Variants in SUPT5H observed in about 807,000 individuals in gnomAD.
The protein encoded by SUPT5H is SPT5 homolog, DSIF elongation factor subunit.
A neutral mutation model predicts 142.5 loss-of-function variants in SUPT5H; 24 were observed. The ratio of observed to expected loss-of-function variants is 0.17; its 90% confidence interval spans 0.12 to 0.24. The LOEUF is 0.24. Ranked by LOEUF, SUPT5H falls within the 10% of genes least tolerant of loss-of-function variation. The pLI, the probability that SUPT5H is intolerant of heterozygous loss-of-function variation, is 1.00. For synonymous variants in SUPT5H, 546 were observed against 553.0 expected, an observed-to-expected ratio of 0.99 and a Z score of 0.18; for missense variants, 893 against 1,471.8, an observed-to-expected ratio of 0.61 and a Z score of 6.43.
chr19:39,463,204 G>C (rs2079188938), intron 10 of SUPT5H, among the ~76,000 whole-genome samples: 1 of 151,296 alleles, frequency 6.6e-6, no homozygotes, highest in African/African-American at 2.4e-5. Context: ...GTTTCACCAT[G>C]TTGGCCAGGC....
In SUPT5H at chr19:39,474,364, G is replaced by A; in HGVS notation, c.2782G>A (p.Ala928Thr). The A allele has an allele frequency of 6.2e-7, 1 of 1,614,058 alleles. No homozygotes were observed. The highest frequency in any genetic ancestry group is 2.2e-5 in the East Asian group (1 of 44,870). ...PAGYQNTHSP[A>T]SYHPTPSPMA... is the part of the protein sequence containing the mutation. Reference sequence around the variant, plus strand: ...AGGCTACCAGAATACCCACTCCCCAGCCAGCTACCACCCTACACCGTCGCC... The same window carrying A: ...AGGCTACCAGAATACCCACTCCCCAACCAGCTACCACCCTACACCGTCGCC... Residue 928 changes from alanine to threonine, a missense_variant, in exon 27 of 30, where the codon GCC becomes ACC. Around this residue, in one of 6 missense-constraint regions of SUPT5H, gnomAD observed 336 missense variants for 546.5 expected, o/e 0.61. Transcript: ENST00000432763. This position sits in a 1 kb window ranked among gnomAD's most constrained non-coding sequence, Gnocchi z 6.5.
chr19:39,448,112 A>G (rs1488723317), intron 2 of SUPT5H, among the ~76,000 whole-genome samples: 1 of 152,174 alleles, frequency 6.6e-6, no homozygotes, highest in Non-Finnish European at 1.5e-5. Flanking sequence ...TTCCCAGGAT[A>G]TGTTAGTTGC....
At chr19:39,451,187 CTT>C (rs36028459) in intron 2 of SUPT5H, among the ~76,000 whole-genome samples, 10 of 111,682 alleles carry the variant, frequency 9.0e-5, no homozygotes, top group Admixed American at 2.1e-4. Flanking sequence ...TGAGCATGAC[CTT>C]TTTTTTTTTT....
At chr19:39,455,446 C>G (rs1250286785) in intron 3 of SUPT5H, among the ~76,000 whole-genome samples, 1 of 151,742 alleles carries the variant, frequency 6.6e-6, no homozygotes, top group African/African-American at 2.4e-5. Flanking sequence ...CCTGTAATCC[C>G]AGCTACTTGG....
chr19:39,467,959 C>G (rs562855366), intron 13 of SUPT5H: 1 of 152,404 alleles, frequency 6.6e-6, no homozygotes, highest in South Asian at 2.1e-4. Context: ...TCCCTTACCC[C>G]CCAGCAAGCC....
intron 18 of SUPT5H, among the ~76,000 whole-genome samples, 189 bp from the exon 19 acceptor site, chr19:39,471,168 C>T (rs2079314189): frequency 6.6e-6 from 1 of 152,136 alleles, no homozygotes; most frequent in Non-Finnish European, 1.5e-5. Flanking sequence ...TGACTGGGAA[C>T]ATTTTTGGTT....
At chr19:39,455,925 C>CTTTT (rs34762912) in intron 3 of SUPT5H, among the ~76,000 whole-genome samples, 4 of 91,144 alleles carry the variant, frequency 4.4e-5, no homozygotes, top group East Asian at 3.1e-4. Flanking sequence ...CCCGCCTCTT[C>CTTTT]TTTTTTTTTT....
chr19:39,466,784 G>A lies in SUPT5H; in HGVS notation c.1037+39G>A. ...GGGACTGGCTGGGCTGGGTCCCCAG[G>A]GCCGGTGTGTAGAATGTGCCTTTTG... On this transcript the variant is annotated intron_variant, in intron 13 of 29. Coordinates refer to ENST00000432763, the MANE Select transcript of SUPT5H (RefSeq NM_001111020.3). This position sits in a 1 kb window ranked among gnomAD's most constrained non-coding sequence, Gnocchi z 4.3. The A allele has an allele frequency of 1.9e-6, 3 of 1,605,458 alleles. No individual in the cohort carries two copies. Among genetic ancestry groups the A allele is most frequent in the Middle Eastern group, 1.7e-4 (1 of 6,046 alleles).
At chr19:39,454,226 T>C (rs933991306) in intron 3 of SUPT5H, among the ~76,000 whole-genome samples, 14 of 152,244 alleles carry the variant, frequency 9.2e-5, no homozygotes, top group African/African-American at 2.9e-4. Context: ...CAATTCCAGG[T>C]TACTGAAAAT....
rs1416943074 is a variant in SUPT5H at position 39,473,954 on chromosome 19, T to C, written c.2493-9T>C. On this transcript the variant is annotated splice_polypyrimidine_tract_variant and intron_variant, in intron 25 of 29. Coordinates refer to ENST00000432763, the MANE Select transcript of SUPT5H (RefSeq NM_001111020.3). The surrounding 1 kb of genome is among the most constrained non-coding windows in gnomAD (Gnocchi z 5.8). Reference sequence around the variant, plus strand: ...CACAGTCGCTGTCAACAGACTTTTCTCCCAACAGGGCTGAGGAAGAATATG... The same window carrying C: ...CACAGTCGCTGTCAACAGACTTTTCCCCCAACAGGGCTGAGGAAGAATATG... 4 of 1,613,780 alleles carry C rather than the reference T, an allele frequency of 2.5e-6. No homozygotes were observed. Among genetic ancestry groups the C allele is most frequent in the Non-Finnish European group, 3.4e-6 (4 of 1,179,956 alleles).
Position 39,459,410 on chromosome 19 carries a change from T to C in SUPT5H, c.525-149T>C, listed in dbSNP as rs2079132653. 24 of 1,319,196 alleles carry C rather than the reference T, an allele frequency of 1.8e-5. No individual in the cohort carries two copies. In the South Asian group the frequency reaches 3.1e-4, roughly 17 times the overall value. 81.7% of individuals were successfully genotyped at this position (1,319,196 alleles called of 1,614,324 possible). ...GGGCAAGGTGGCACTTTCTCTTTCCTCTTGCTCCTGGGTAGAAGCGTGGGG... is the reference window on the plus strand; with the variant it reads ...GGGCAAGGTGGCACTTTCTCTTTCCCCTTGCTCCTGGGTAGAAGCGTGGGG... On this transcript the variant is annotated intron_variant, in intron 8 of 29. Coordinates refer to ENST00000432763, the MANE Select transcript of SUPT5H (RefSeq NM_001111020.3).
chr19:39,463,842 A>G (rs976262804), intron 10 of SUPT5H, among the ~76,000 whole-genome samples: 2 of 152,096 alleles, frequency 1.3e-5, no homozygotes, highest in Non-Finnish European at 2.9e-5. Context: ...TGTTAGTTTC[A>G]TATACATTTG....
Position 39,466,995 on chromosome 19 carries a change from C to T in SUPT5H, c.1037+250C>T, listed in dbSNP as rs1600717649. ...GCTAAGGCAGGAGGCTTGCTTGAGG[C>T]AAGGAGTTCGAGACCAGCCTGGGCA... On this transcript the variant is annotated intron_variant, in intron 13 of 29. Coordinates refer to ENST00000432763, the MANE Select transcript of SUPT5H (RefSeq NM_001111020.3). The surrounding 1 kb of genome is among the most constrained non-coding windows in gnomAD (Gnocchi z 4.3). The T allele has an allele frequency of 2.0e-6, 1 of 502,028 alleles. No homozygotes were observed. The highest frequency in any genetic ancestry group is 3.3e-5 in the East Asian group (1 of 30,140). 31.1% of individuals were successfully genotyped at this position (502,028 alleles called of 1,614,324 possible). A position where few individuals can be genotyped will look rare whatever the true frequency, so the allele number is the denominator to read the frequency against.
rs2079407801 is a variant in SUPT5H at position 39,476,445 on chromosome 19, T to C, written c.*46T>C. The C allele has an allele frequency of 1.9e-6, 3 of 1,609,426 alleles. No individual in the cohort carries two copies. The East Asian group carries it at 6.7e-5, about 36-fold the overall frequency. ...TTCGTCGGATGAAGAGTGATCCTCC[T>C]TCCTTCCCTGGCCCTTGGCTGTGAC... is the stretch of plus-strand genomic sequence containing the variant. On this transcript the variant is annotated 3_prime_UTR_variant, in exon 30 of 30. Coordinates refer to ENST00000432763, the MANE Select transcript of SUPT5H (RefSeq NM_001111020.3).
rs1455959029 is a variant in SUPT5H, at chr19:39,472,888, T to G, written c.2114T>G (p.Leu705Arg). The change falls in exon 22 of 30, where the codon CTC becomes CGC. Residue 705 changes from leucine (L) to arginine (R), a missense_variant. Leu to Arg is a moderately radical substitution (Grantham distance 102). Around this residue, in one of 6 missense-constraint regions of SUPT5H, gnomAD observed 336 missense variants for 546.5 expected, o/e 0.61. Transcript: ENST00000432763. The surrounding 1 kb of genome is among the most constrained non-coding windows in gnomAD (Gnocchi z 4.2). Reference protein sequence around the residue: ...SRGRGRRDNELIGQTVRISQG... With the variant: ...SRGRGRRDNERIGQTVRISQG... Reference sequence around the variant, plus strand: ...GGCCGGGGCCGGAGGGACAACGAACTCATCGGCCAGACCGTGCGCATCTCC... The same window carrying G: ...GGCCGGGGCCGGAGGGACAACGAACGCATCGGCCAGACCGTGCGCATCTCC... 1 of 1,613,694 alleles carries G rather than the reference T, an allele frequency of 6.2e-7. No homozygotes were observed. Among genetic ancestry groups the G allele is most frequent in the Non-Finnish European group, 8.5e-7 (1 of 1,179,882 alleles).
Position 39,464,721 on chromosome 19 carries a change from T to A in SUPT5H, c.625-77T>A, listed in dbSNP as rs2079211532. On this transcript the variant is annotated intron_variant, in intron 10 of 29. Transcript: ENST00000432763. ...TGGAATAAATTCCTAGAAGAGGGAC[T>A]GCTGATGAGTGGCAGTCATTTCTGT... 12 of 1,523,794 alleles carry A rather than the reference T, an allele frequency of 7.9e-6. No individual in the cohort carries two copies. In the Admixed American group the frequency reaches 8.2e-5, roughly 10 times the overall value. The allele number at this position is 1,523,794 out of a possible 1,614,324, so 94.4% of individuals were successfully genotyped here.
Position 39,466,793 on chromosome 19 carries a change from G to A in SUPT5H, c.1037+48G>A. The A allele has an allele frequency of 6.3e-7, 1 of 1,591,216 alleles. No homozygotes were observed. The highest frequency in any genetic ancestry group is 8.6e-7 in the Non-Finnish European group (1 of 1,159,270). On this transcript the variant is annotated intron_variant, in intron 13 of 29. Transcript: ENST00000432763. This position sits in a 1 kb window ranked among gnomAD's most constrained non-coding sequence, Gnocchi z 4.3. ...TGGGCTGGGTCCCCAGGGCCGGTGT[G>A]TAGAATGTGCCTTTTGCAGGTTCCT...
At chr19:39,450,493 G>A (rs1286204399) in intron 2 of SUPT5H, among the ~76,000 whole-genome samples, 2 of 152,234 alleles carry the variant, frequency 1.3e-5, no homozygotes, top group African/African-American at 4.8e-5. Flanking sequence ...CCAGCACTGA[G>A]AGAGTATGGT....
chr19:39,472,747 C>G lies in SUPT5H; in HGVS notation c.2036-63C>G. ...GAGTCAAGCAAGTGAAGGGGACGTT[C>G]TGATGGTGCCCTTGCTGTGGGCACA... On this transcript the variant is annotated intron_variant, in intron 21 of 29. Transcript: ENST00000432763. This position sits in a 1 kb window ranked among gnomAD's most constrained non-coding sequence, Gnocchi z 4.2. 1.9e-6 allele frequency: 3 copies of G among 1,560,730 alleles called. No homozygotes were observed. Among genetic ancestry groups the G allele is most frequent in the Non-Finnish European group, 2.6e-6 (3 of 1,151,256 alleles).
Sources: allele counts gnomAD v4.1 joint callset (sites outside exome capture counted in the v4.1 genomes callset), GRCh38; gene constraint gnomAD v4.1.1; regional missense constraint gnomAD v4.1.1; non-coding constraint Gnocchi (gnomAD v3.1); transcripts MANE v1.5; gene names NCBI Gene and HGNC (gene_info 2026-07-23, HGNC 2026-07-21).